The following RPL3 variants were observed in gnomAD, a reference collection of about 807,000 sequenced individuals.
RPL3 encodes large ribosomal subunit protein uL3.
A neutral mutation model predicts 46.0 loss-of-function variants in RPL3; 3 were observed. The observed-to-expected ratio is 0.07, with a 90% CI of 0.03 to 0.17. The LOEUF (loss-of-function observed/expected upper bound fraction) is 0.17. Ranked by LOEUF, RPL3 falls within the 10% of genes least tolerant of loss-of-function variation. The probability of loss-of-function intolerance (pLI) is 1.00; values close to 1 mark genes in which losing one functional copy is unlikely to be tolerated. For missense variants in RPL3, 387 were observed against 532.7 expected (o/e 0.73, Z 2.69); for synonymous variants, 224 against 190.8 (o/e 1.17, Z -1.43).
chr22:39,318,742 A>C (rs1167718865), intron 1 of RPL3, 150 bp from the exon 2 acceptor site: 10 of 651,586 alleles, frequency 1.5e-5, no homozygotes, highest in Non-Finnish European at 2.6e-5. Flanking sequence ...TATCTCTTCC[A>C]GGCTCGCACG....
Position 39,319,610 on chromosome 22 carries a change from T to A in RPL3, c.-13A>T, listed in dbSNP as rs781389359. 2 of 1,538,958 alleles carry A rather than the reference T, an allele frequency of 1.3e-6. No homozygotes were observed. Among genetic ancestry groups the A allele is most frequent in the African/African-American group, 2.8e-5 (2 of 72,452 alleles). ...CAACACATACCATCACGCCATCAAA[T>A]CCCGCCGGTAGAGGCCGGTCGGCCT... On this transcript the variant is annotated 5_prime_UTR_variant, in exon 1 of 10. Transcript: ENST00000216146.
At position 39,318,524 on chromosome 22, in the gene RPL3, C is replaced by T. The variant is rs1922847752; in HGVS notation, c.72G>A (p.Arg24=). ...LGFLPRKRSS[R]HRGKVKSFPK... ...GGAAGCTCTTCACCTTCCCACGATGCCTGCTGCTGCGCTTCCGAGGCAGGA... is the reference window on the plus strand; with the variant it reads ...GGAAGCTCTTCACCTTCCCACGATGTCTGCTGCTGCGCTTCCGAGGCAGGA... Residue 24 remains arginine (R), a synonymous_variant, in exon 2 of 10, where the codon AGG becomes AGA. Transcript: ENST00000216146. The T allele has an allele frequency of 6.2e-7, 1 of 1,613,822 alleles. No homozygotes were observed.
chr22:39,319,320 A>C (rs1031205457), intron 1 of RPL3: 3 of 586,188 alleles, frequency 5.1e-6, no homozygotes, highest in Non-Finnish European at 6.2e-6. Flanking sequence ...AAACTTAGAA[A>C]TGACTCATGG....
chr22:39,317,702 A>C, intron 2 of RPL3, 73 bp from the exon 3 acceptor site: 1 of 1,570,246 alleles, frequency 6.4e-7, no homozygotes, highest in Non-Finnish European at 8.7e-7. Flanking sequence ...AGGAAAATGC[A>C]AAGTGCCCAT....
chr22:39,317,365 C>G, intron 3 of RPL3, 96 bp downstream of exon 3: 1 of 1,389,832 alleles, frequency 7.2e-7, no homozygotes, highest in Admixed American at 2.2e-5. Context: ...CAGCAGCTCC[C>G]TGCCTGCTAC....
intron 2 of RPL3, chr22:39,318,074 A>C (rs975834120): frequency 1.1e-5 from 4 of 374,430 alleles, no homozygotes; most frequent in Middle Eastern, 7.8e-4. Flanking sequence ...AAAAAACATG[A>C]ATGAGGCAGT....
At chr22:39,313,019 A>G in intron 9 of RPL3, 35 bp from the exon 10 acceptor site, 1 of 1,613,926 alleles carries the variant, frequency 6.2e-7, no homozygotes, top group Non-Finnish European at 8.5e-7. Flanking sequence ...GAGGTAGAAG[A>G]TGACAGGTGA....
intron 3 of RPL3, chr22:39,317,125 G>A: frequency 1.7e-6 from 1 of 592,418 alleles, no homozygotes; most frequent in Non-Finnish European, 3.0e-6. Context: ...CAGTGATGAA[G>A]GAAATGGGAC....
At chr22:39,315,606 A>G (rs757839428) in intron 4 of RPL3, 51 bp from the exon 5 acceptor site, 66 of 1,603,496 alleles carry the variant, frequency 4.1e-5, no homozygotes, top group Non-Finnish European at 5.5e-5. Context: ...CTCCTCCCAC[A>G]GCAGAGGAAC....
chr22:39,313,382 C>T (rs1463161303), intron 8 of RPL3, 72 bp from the exon 9 acceptor site: 1 of 1,587,876 alleles, frequency 6.3e-7, no homozygotes, highest in South Asian at 1.1e-5. Context: ...TCACAGCGCC[C>T]CTGCATCTGG....
rs760108478 is a variant in RPL3, at chr22:39,318,240, C to G, written c.196+160G>C. 1.9e-5 allele frequency: 13 copies of G among 683,314 alleles called. No homozygotes were observed. The Middle Eastern group carries it at 7.4e-4, about 39-fold the overall frequency. The allele number at this position is 683,314 out of a possible 1,614,324, so 42.3% of individuals were successfully genotyped here. ...TCTGTAGCCTTGGAATATTAGTTTT[C>G]AAGTTAAGCATTCCCATTCTGCTGT... On this transcript the variant is annotated intron_variant, in intron 2 of 9. Coordinates refer to ENST00000216146, the MANE Select transcript of RPL3 (RefSeq NM_000967.4).
At chr22:39,315,794 G>A (rs1337942129) in intron 4 of RPL3, among the ~76,000 whole-genome samples, 1 of 152,184 alleles carries the variant, frequency 6.6e-6, no homozygotes, top group Non-Finnish European at 1.5e-5. Context: ...CCACACCACA[G>A]GCAAACAACC....
chr22:39,316,847 GGAGCA>G lies in RPL3; in HGVS notation c.366-11_366-7del, dbSNP rs760437833. The G allele has an allele frequency of 1.2e-6, 2 of 1,613,752 alleles. No homozygotes were observed. Among genetic ancestry groups the G allele is most frequent in the Non-Finnish European group, 1.7e-6 (2 of 1,180,034 alleles). ...CCTTCTTCTTAGATTTATGCCTTCA[GGAGCA>G]GAGCAGAGTTGGGGAGGGGACCAGG... On this transcript the variant is annotated splice_polypyrimidine_tract_variant and splice_region_variant and intron_variant, in intron 3 of 9. Coordinates refer to ENST00000216146, the MANE Select transcript of RPL3 (RefSeq NM_000967.4).
rs1922468717 is a variant in RPL3 at position 39,313,260 on chromosome 22, C to T, written c.1098G>A (p.Lys366=). The change falls in exon 9 of 10, where the codon AAG becomes AAA. Residue 366 remains lysine (K), a synonymous_variant. Coordinates refer to ENST00000216146, the MANE Select transcript of RPL3 (RefSeq NM_000967.4). Reference sequence around the variant, plus strand: ...CAAACTTGGAGGTGGTGTCAATGAACTTAAGGTCAATCTTCTCCAGAGCCC... The same window carrying T: ...CAAACTTGGAGGTGGTGTCAATGAATTTAAGGTCAATCTTCTCCAGAGCCC... ...KRRALEKIDL[K]FIDTTSKFGH... The T allele has an allele frequency of 6.2e-7, 1 of 1,612,706 alleles. No homozygotes were observed. Among genetic ancestry groups the T allele is most frequent in the Non-Finnish European group, 8.5e-7 (1 of 1,179,442 alleles).
chr22:39,313,073 C>T, intron 9 of RPL3, 89 bp from the exon 10 acceptor site: 1 of 1,607,274 alleles, frequency 6.2e-7, no homozygotes, highest in Non-Finnish European at 8.5e-7. Context: ...CTGGGCCAGT[C>T]TCCACAGCCA....
rs1345862281 is a variant in RPL3, at chr22:39,313,002, G to A, written c.1168-18C>T. 11 of 1,614,106 alleles carry A rather than the reference G, an allele frequency of 6.8e-6. No individual in the cohort carries two copies. The highest frequency in any genetic ancestry group is 1.7e-5 in the Admixed American group (1 of 60,024). On this transcript the variant is annotated intron_variant, in intron 9 of 9. Transcript: ENST00000216146. ...AGTGGTCCCTGTGGGGAGAGAGGCA[G>A]TGGTCAGAGGTAGAAGATGACAGGT... is the stretch of plus-strand genomic sequence containing the variant.
intron 6 of RPL3, chr22:39,314,466 G>A (rs1922554104): frequency 4.7e-6 from 3 of 645,064 alleles, no homozygotes; most frequent in Non-Finnish European, 7.9e-6. Context: ...AATAAGACTA[G>A]TATCCCCAGC....
chr22:39,319,291 G>T, intron 1 of RPL3: 1 of 545,036 alleles, frequency 1.8e-6, no homozygotes, highest in Admixed American at 3.1e-5. Context: ...CCCAACTAAT[G>T]ATAGAATTGG....
rs377348432 is a variant in RPL3 at position 39,313,033 on chromosome 22, C to G, written c.1168-49G>C. 512 of 1,612,922 alleles carry G rather than the reference C, an allele frequency of 3.2e-4. 1 individual carries two copies. The highest frequency in any genetic ancestry group is 6.7e-4 in the Admixed American group (40 of 59,988). ...AGAGGTAGAAGATGACAGGTGACAGCAGATGCCCACTCTAGAGGAGACCAA... is the reference window on the plus strand; with the variant it reads ...AGAGGTAGAAGATGACAGGTGACAGGAGATGCCCACTCTAGAGGAGACCAA... On this transcript the variant is annotated intron_variant, in intron 9 of 9. Coordinates refer to ENST00000216146, the MANE Select transcript of RPL3 (RefSeq NM_000967.4).
Sources: gnomAD v4.1 joint callset for allele counts (sites outside exome capture counted in the v4.1 genomes callset) on GRCh38, gnomAD v4.1.1 for gene constraint, MANE v1.5 for transcripts, NCBI Gene and HGNC (gene_info 2026-07-23, HGNC 2026-07-21) for gene names.